Variants in ZNF710 observed in about 807,000 individuals in gnomAD.
ZNF710 encodes the protein zinc finger protein 710.
ZNF710 carries 13 observed loss-of-function variants against 50.6 expected under a neutral mutation model. The observed-to-expected ratio is 0.26, with a 90% CI of 0.17 to 0.41. The LOEUF (loss-of-function observed/expected upper bound fraction) is 0.41. Among genes scored for constraint, ZNF710 ranks in the 10% least tolerant of loss-of-function variants. The pLI is 1.00. For synonymous variants in ZNF710, 383 were observed against 397.0 expected, an observed-to-expected ratio of 0.96 and a Z score of 0.42; for missense variants, 721 against 936.6, an observed-to-expected ratio of 0.77 and a Z score of 3.01.
chr15:90,013,140 C>G (rs1460559241), intron 1 of ZNF710, among the ~76,000 whole-genome samples: 1 of 151,978 alleles, frequency 6.6e-6, no homozygotes, highest in Non-Finnish European at 1.5e-5. Context: ...TTCTTGTTGC[C>G]CAGGCTGGAG....
intron 1 of ZNF710, among the ~76,000 whole-genome samples, chr15:90,063,910 T>A (rs1399814261): frequency 6.6e-6 from 1 of 152,164 alleles, no homozygotes; most frequent in Non-Finnish European, 1.5e-5. Context: ...CTCATCTCAC[T>A]GTCCCATGAG....
intron 1 of ZNF710, chr15:90,006,984 C>T (rs1898155949): frequency 1.9e-5 from 3 of 154,040 alleles, no homozygotes; most frequent in Non-Finnish European, 1.5e-5. Context: ...TGTCTACCTG[C>T]TTGTTGAGGG....
At chr15:90,057,952 C>G (rs918738402) in intron 1 of ZNF710, among the ~76,000 whole-genome samples, 1 of 152,172 alleles carries the variant, frequency 6.6e-6, no homozygotes, top group African/African-American at 2.4e-5. Flanking sequence ...GGCTTCACCC[C>G]TCATATCCTT....
At chr15:90,000,806 G>GCC (rs1897991002), upstream of ZNF710, among the ~76,000 whole-genome samples, 2 of 152,142 alleles carry the variant, frequency 1.3e-5, no homozygotes, top group Non-Finnish European at 2.9e-5. Flanking sequence ...CCGCACCCGT[G>GCC]CCCCAACACC....
chr15:90,054,178 G>A (rs553001863), intron 1 of ZNF710, among the ~76,000 whole-genome samples: 10 of 152,186 alleles, frequency 6.6e-5, no homozygotes, highest in Non-Finnish European at 1.2e-4. Flanking sequence ...TGTACACTGC[G>A]ATGAGGGGAG....
chr15:90,015,565 T>A (rs1447955033), intron 1 of ZNF710, among the ~76,000 whole-genome samples: 1 of 151,418 alleles, frequency 6.6e-6, no homozygotes, highest in South Asian at 2.1e-4. Context: ...AACTGGTAAA[T>A]AAATTATCCA....
At chr15:90,014,281 G>A (rs1040952894) in intron 1 of ZNF710, among the ~76,000 whole-genome samples, 1 of 152,062 alleles carries the variant, frequency 6.6e-6, no homozygotes, top group African/African-American at 2.4e-5. Context: ...ATTGAATGAA[G>A]GGATGGGAGG....
intron 1 of ZNF710, among the ~76,000 whole-genome samples, chr15:90,031,706 G>A (rs1455719659): frequency 6.6e-6 from 1 of 152,102 alleles, no homozygotes; most frequent in Non-Finnish European, 1.5e-5. Context: ...CAGTGGCCAC[G>A]TCATCTCTCA....
At chr15:90,030,771 C>G (rs536410244) in intron 1 of ZNF710, among the ~76,000 whole-genome samples, 58 of 151,754 alleles carry the variant, frequency 3.8e-4, no homozygotes, top group Non-Finnish European at 7.4e-4. Flanking sequence ...AATCCCAGCT[C>G]TTTGGGAGGC....
intron 1 of ZNF710, chr15:90,025,400 C>G (rs1253248729): frequency 6.6e-6 from 1 of 152,144 alleles, no homozygotes; most frequent in Non-Finnish European, 1.5e-5. Context: ...AAATAGTCAA[C>G]CTTATGGTTT....
At position 90,034,211 on chromosome 15, in the gene ZNF710, A is replaced by AGAAAG. The variant is rs1262982240; in HGVS notation, c.-29+32601_-29+32602insGGAAA. 6.7e-6 allele frequency among the ~76,000 whole-genome samples: 1 copy of AGAAAG among 149,650 alleles called. No individual in the cohort carries two copies. Among genetic ancestry groups the AGAAAG allele is most frequent in the East Asian group, 1.9e-4 (1 of 5,184 alleles). Reference sequence around the variant, plus strand: ...AGACTCTGTCTCAAAAAAAAAGAAAAGAAAAGAAAAGAAAAGAAAACAGGT... The same window carrying AGAAAG: ...AGACTCTGTCTCAAAAAAAAAGAAAAGAAAGGAAAAGAAAAGAAAAGAAAACAGGT... On this transcript the variant is annotated intron_variant, in intron 1 of 4. Transcript: ENST00000268154. The surrounding 1 kb of genome is among the most constrained non-coding windows in gnomAD (Gnocchi z 4.0).
chr15:90,042,268 G>C (rs1242905067), intron 1 of ZNF710, among the ~76,000 whole-genome samples: 1 of 151,946 alleles, frequency 6.6e-6, no homozygotes, highest in Admixed American at 6.6e-5. Flanking sequence ...GGCCCTCCTG[G>C]GGCCTGTTCC....
At chr15:90,046,849 G>A (rs1470520199) in intron 1 of ZNF710, among the ~76,000 whole-genome samples, 2 of 152,240 alleles carry the variant, frequency 1.3e-5, no homozygotes, top group African/African-American at 2.4e-5. Context: ...ATCTAGGGAC[G>A]TTTGGGATTT....
At chr15:90,024,016 A>G (rs931650811) in intron 1 of ZNF710, among the ~76,000 whole-genome samples, 1 of 151,342 alleles carries the variant, frequency 6.6e-6, no homozygotes, top group African/African-American at 2.4e-5. Flanking sequence ...AGCATGCTTG[A>G]AGGTGGCAAC....
At chr15:90,041,920 TAG>T (rs1367826004) in intron 1 of ZNF710, among the ~76,000 whole-genome samples, 260 of 140,992 alleles carry the variant, frequency 1.8e-3, no homozygotes, top group African/African-American at 6.6e-3. Flanking sequence ...TTTTTTGAGA[TAG>T]AGTTTCGCTC....
At chr15:90,019,505 A>G (rs1244893863) in intron 1 of ZNF710, among the ~76,000 whole-genome samples, 1 of 152,194 alleles carries the variant, frequency 6.6e-6, no homozygotes, top group Non-Finnish European at 1.5e-5. Flanking sequence ...TTGCCCCCAG[A>G]CACATTGTAT....
chr15:90,073,124 G>A lies in ZNF710; in HGVS notation c.1512G>A (p.Ala504=), dbSNP rs775955373. Residue 504 remains alanine (A), a synonymous_variant, in exon 3 of 5, where the codon GCG becomes GCA. Coordinates refer to ENST00000268154, the MANE Select transcript of ZNF710 (RefSeq NM_198526.4). The part of the protein sequence containing the change: ...EVCGREFTLQ[A]NMKRHMLIHT... ...GTGGCCGGGAGTTCACCCTACAGGC[G>A]AACATGAAGCGGCACATGCTGATCC... 1.7e-5 allele frequency: 28 copies of A among 1,613,968 alleles called. No homozygotes were observed. The Admixed American group carries it at 1.8e-4, about 11-fold the overall frequency.
intron 1 of ZNF710, among the ~76,000 whole-genome samples, chr15:90,065,255 A>T (rs1196538050): frequency 6.6e-6 from 1 of 151,940 alleles, no homozygotes; most frequent in Non-Finnish European, 1.5e-5. Context: ...CCTTGCCCGG[A>T]GCCGGTTTCC....
chr15:90,035,783 G>C (rs1340618488), intron 1 of ZNF710, among the ~76,000 whole-genome samples: 3 of 152,236 alleles, frequency 2.0e-5, no homozygotes, highest in African/African-American at 7.2e-5. Context: ...AGGTCAGCCA[G>C]GACTGGCTAC....
Sources: allele counts gnomAD v4.1 joint callset (sites outside exome capture counted in the v4.1 genomes callset), GRCh38; gene constraint gnomAD v4.1.1; non-coding constraint Gnocchi (gnomAD v3.1); transcripts MANE v1.5; gene names NCBI Gene and HGNC (gene_info 2026-07-23, HGNC 2026-07-21).